Variants in CAMKMT observed in about 807,000 individuals in gnomAD.
CAMKMT encodes the protein calmodulin-lysine N-methyltransferase.
A neutral mutation model predicts 48.0 loss-of-function variants in CAMKMT; 53 were observed. The observed-to-expected ratio is 1.10, with a 90% CI of 0.89 to 1.39. CAMKMT has a LOEUF of 1.39. Ranked by LOEUF, CAMKMT falls within the 40% of genes most tolerant of loss-of-function variation. The pLI is 0.00. For synonymous variants in CAMKMT, 165 were observed against 152.3 expected, an observed-to-expected ratio of 1.08 and a Z score of -0.61; for missense variants, 428 against 402.7, an observed-to-expected ratio of 1.06 and a Z score of -0.54.
intron 3 of CAMKMT, among the ~76,000 whole-genome samples, chr2:44,593,680 T>A (rs1670458354): frequency 6.6e-6 from 1 of 151,814 alleles, no homozygotes; most frequent in Non-Finnish European, 1.5e-5. Flanking sequence ...TTGTTTTAGG[T>A]GAGGGAGTAA....
intron 3 of CAMKMT, among the ~76,000 whole-genome samples, chr2:44,609,079 C>T (rs911370462): frequency 1.3e-5 from 2 of 152,142 alleles, no homozygotes; most frequent in African/African-American, 2.4e-5. Context: ...ATTGCTTTTC[C>T]ACTTGTTCCT....
At chr2:44,763,152 T>A (rs1680686095) in intron 9 of CAMKMT, among the ~76,000 whole-genome samples, 1 of 152,172 alleles carries the variant, frequency 6.6e-6, no homozygotes, top group Non-Finnish European at 1.5e-5. Context: ...AATGAATGGA[T>A]GATGGGCTCT....
At chr2:44,668,264 G>A (rs971764528) in intron 3 of CAMKMT, among the ~76,000 whole-genome samples, 25 of 152,236 alleles carry the variant, frequency 1.6e-4, no homozygotes, top group African/African-American at 5.5e-4. Flanking sequence ...TGTCTGTGTC[G>A]TGTCTCCTCC....
chr2:44,503,819 A>G (rs1670121079), intron 3 of CAMKMT, among the ~76,000 whole-genome samples: 1 of 152,154 alleles, frequency 6.6e-6, no homozygotes, highest in South Asian at 2.1e-4. Flanking sequence ...AGGCTAGGAA[A>G]TCTAAGATCA....
chr2:44,755,631 T>G (rs1237532087), intron 9 of CAMKMT, among the ~76,000 whole-genome samples: 4 of 152,146 alleles, frequency 2.6e-5, no homozygotes, highest in African/African-American at 9.7e-5. Flanking sequence ...TGTAAATCAT[T>G]CGCATGATTT....
chr2:44,627,842 T>G (rs12468040), intron 3 of CAMKMT, among the ~76,000 whole-genome samples: 91,972 of 150,106 alleles, frequency 0.61, 28,607 homozygotes, highest in Middle Eastern at 0.7. Flanking sequence ...TGGGACTACA[T>G]ATGCGTGCCA....
At chr2:44,486,783 A>AC (rs908478856) in intron 3 of CAMKMT, among the ~76,000 whole-genome samples, 4 of 152,098 alleles carry the variant, frequency 2.6e-5, no homozygotes, top group African/African-American at 7.2e-5. Flanking sequence ...TCCTTGGTGT[A>AC]CCCCCCAAGA....
chr2:44,618,785 C>T lies in CAMKMT; in HGVS notation c.377-85498C>T, dbSNP rs1043479330. Among the ~76,000 whole-genome samples, 2 of 152,186 alleles carry T rather than the reference C, an allele frequency of 1.3e-5. No homozygotes were observed. Among genetic ancestry groups the T allele is most frequent in the East Asian group, 1.9e-4 (1 of 5,204 alleles). On this transcript the variant is annotated intron_variant, in intron 3 of 10. Transcript: ENST00000378494. The surrounding 1 kb of genome is among the most constrained non-coding windows in gnomAD (Gnocchi z 4.0). Reference sequence around the variant, plus strand: ...TTCAGCAGTAAGGCTCTCAGTGCTTCTACCTACTTTTTATTTTTTATTTTT... The same window carrying T: ...TTCAGCAGTAAGGCTCTCAGTGCTTTTACCTACTTTTTATTTTTTATTTTT...
intron 3 of CAMKMT, among the ~76,000 whole-genome samples, chr2:44,396,892 C>T (rs1433165242): frequency 1.3e-5 from 2 of 151,796 alleles, no homozygotes; most frequent in Admixed American, 6.6e-5. Context: ...AACCCTGTCT[C>T]TACTAAAAAT....
chr2:44,592,026 A>G (rs1572874111), intron 3 of CAMKMT, among the ~76,000 whole-genome samples: 1 of 150,428 alleles, frequency 6.6e-6, no homozygotes, highest in Admixed American at 6.7e-5. Context: ...GAACACATGG[A>G]CACAGGAAGG....
At chr2:44,485,103 T>C (rs1268422994) in intron 3 of CAMKMT, among the ~76,000 whole-genome samples, 1 of 152,180 alleles carries the variant, frequency 6.6e-6, no homozygotes, top group African/African-American at 2.4e-5. Flanking sequence ...GAAACTCATA[T>C]ACACTACTAA....
chr2:44,752,240 G>T (rs891283159), intron 8 of CAMKMT, among the ~76,000 whole-genome samples: 2 of 151,218 alleles, frequency 1.3e-5, no homozygotes, highest in Non-Finnish European at 3.0e-5. Flanking sequence ...TACTATGTTG[G>T]TGCAAAAGTA....
chr2:44,387,417 G>T (rs979395790), intron 2 of CAMKMT, among the ~76,000 whole-genome samples: 2 of 152,148 alleles, frequency 1.3e-5, no homozygotes, highest in Admixed American at 6.5e-5. Flanking sequence ...TGTGTTAGAT[G>T]AGTCTCTTGA....
At chr2:44,565,100 C>A (rs1473190707) in intron 3 of CAMKMT, among the ~76,000 whole-genome samples, 2 of 152,178 alleles carry the variant, frequency 1.3e-5, no homozygotes, top group Admixed American at 6.5e-5. Flanking sequence ...TCTTTCTCAT[C>A]TTTGTCTCTC....
At chr2:44,768,361 A>ATATATATATATATATATATATATT (rs35058824) in intron 10 of CAMKMT, among the ~76,000 whole-genome samples, 1 of 115,744 alleles carries the variant, frequency 8.6e-6, no homozygotes, top group African/African-American at 3.7e-5. Context: ...ATATATATAT[A>ATATATATATATATATATATATATT]TTTTTTTTTT....
chr2:44,724,756 A>G (rs1035168858), intron 7 of CAMKMT, among the ~76,000 whole-genome samples: 14 of 152,154 alleles, frequency 9.2e-5, no homozygotes, highest in African/African-American at 3.4e-4. Context: ...TATAGATAAG[A>G]AAGTAATTCT....
intron 3 of CAMKMT, among the ~76,000 whole-genome samples, chr2:44,679,591 G>T (rs957250712): frequency 1.3e-5 from 2 of 152,206 alleles, no homozygotes; most frequent in African/African-American, 4.8e-5. Flanking sequence ...AAAAGTAAAT[G>T]CATAGCCTGC....
At chr2:44,557,075 A>G (rs535951429) in intron 3 of CAMKMT, among the ~76,000 whole-genome samples, 1 of 152,316 alleles carries the variant, frequency 6.6e-6, no homozygotes, top group East Asian at 1.9e-4. Context: ...TTCACTGAGG[A>G]AATGCCTTGT....
At chr2:44,650,505 C>G (rs1015673603) in intron 3 of CAMKMT, among the ~76,000 whole-genome samples, 1 of 152,172 alleles carries the variant, frequency 6.6e-6, no homozygotes, top group African/African-American at 2.4e-5. Flanking sequence ...AAGAAATGCT[C>G]TATTTCCAAG....
Sources: gnomAD v4.1 joint callset for allele counts (sites outside exome capture counted in the v4.1 genomes callset) on GRCh38, gnomAD v4.1.1 for gene constraint, Gnocchi (gnomAD v3.1) non-coding constraint, MANE v1.5 for transcripts, NCBI Gene and HGNC (gene_info 2026-07-23, HGNC 2026-07-21) for gene names.